PTRH1: variants seen among roughly 807,000 people sequenced by gnomAD.
The protein encoded by PTRH1 is peptidyl-tRNA hydrolase 1 homolog.
In PTRH1, 13 loss-of-function variants were observed where a neutral mutation model predicts 15.7. That is an observed-to-expected ratio of 0.83 (90% CI 0.54 to 1.31). The LOEUF (loss-of-function observed/expected upper bound fraction) is 1.31. PTRH1 is among the 40% of genes most tolerant of loss of function. The probability of loss-of-function intolerance (pLI) is 0.00; values close to 1 mark genes in which losing one functional copy is unlikely to be tolerated. For missense variants in PTRH1, 319 were observed against 296.2 expected (o/e 1.08, Z -0.56); for synonymous variants, 139 against 136.7 (o/e 1.02, Z -0.12).
intron 1 of PTRH1, among the ~76,000 whole-genome samples, chr9:127,701,941 G>C (rs965068552): frequency 2.0e-5 from 3 of 151,876 alleles, no homozygotes; most frequent in African/African-American, 7.3e-5. Flanking sequence ...GGTATGTTTG[G>C]TTGGGCATGG....
In PTRH1 at chr9:127,697,315, C is replaced by T. The variant is rs148031933; in HGVS notation, c.206-2174G>A. On this transcript the variant is annotated intron_variant, in intron 1 of 2. Transcript: ENST00000335223. ...ACTACAGAGACAGTGATCTGAGTTACGCTCCTTGGAGTAAAAAGTGGCACC... is the reference window on the plus strand; with the variant it reads ...ACTACAGAGACAGTGATCTGAGTTATGCTCCTTGGAGTAAAAAGTGGCACC... Among the ~76,000 whole-genome samples, 9 of 152,236 alleles carry T rather than the reference C, an allele frequency of 5.9e-5. No homozygotes were observed. The South Asian group carries it at 8.3e-4, about 14-fold the overall frequency.
chr9:127,708,017 G>C (rs1292739904), intron 1 of PTRH1, among the ~76,000 whole-genome samples: 4 of 152,174 alleles, frequency 2.6e-5, no homozygotes, highest in Non-Finnish European at 5.9e-5. Context: ...AGATGGGGAA[G>C]ACTGAGGCTC....
downstream of PTRH1, chr9:127,711,232 G>T (rs376783072): frequency 6.2e-7 from 1 of 1,613,716 alleles, no homozygotes; most frequent in East Asian, 2.2e-5. Flanking sequence ...TGGCCAGACT[G>T]AGGAAAGAGA....
chr9:127,715,594 C>T lies in PTRH1; in HGVS notation c.46G>A (p.Ala16Thr). Residue 16 changes from alanine to threonine, a missense_variant, in exon 1 of 5, where the codon GCC becomes ACC. Physicochemically the swap from Ala to Thr is moderately conservative, Grantham distance 58 (BLOSUM62 0). Transcript: ENST00000543175. The surrounding 1 kb of genome is among the most constrained non-coding windows in gnomAD (Gnocchi z 5.8). ...GGCTCCAAAACACATCGGCTCATGG[C>T]TCTACTCAGCCGCTGTCCGGCGCCC... ...FLGAGQRLSR[A>T]MSRCVLEPRP... 2 of 1,613,222 alleles carry T rather than the reference C, an allele frequency of 1.2e-6. No homozygotes were observed. Among genetic ancestry groups the T allele is most frequent in the East Asian group, 2.2e-5 (1 of 44,890 alleles).
chr9:127,713,969 T>G lies in PTRH1; in HGVS notation c.*131A>C, dbSNP rs1564368232. The stretch of plus-strand genomic sequence containing the variant: ...CCAGTCACAGTCACCCCCACTTTAA[T>G]CCGCAGGCAGCCTGGAACAGTCTAG... On this transcript the variant is annotated 3_prime_UTR_variant, in exon 5 of 5. Coordinates refer to ENST00000543175, the MANE Select transcript of PTRH1 (RefSeq NM_001002913.3). 2 of 1,582,966 alleles carry G rather than the reference T, an allele frequency of 1.3e-6. No homozygotes were observed. Among genetic ancestry groups the G allele is most frequent in the Non-Finnish European group, 1.7e-6 (2 of 1,152,270 alleles).
Position 127,714,679 on chromosome 9 carries a change from C to G in PTRH1, c.340G>C (p.Glu114Gln), listed in dbSNP as rs551270127. 3 of 1,613,238 alleles carry G rather than the reference C, an allele frequency of 1.9e-6. No individual in the cohort carries two copies. The African/African-American group carries it at 4.0e-5, about 22-fold the overall frequency. ...TCATCATGCACCAGGTAGACTTCCT[C>G]GGCAGTCAGCCCAAACAGCTCCGCT... ...RAAELFGLTA[E>Q]EVYLVHDELD... The change falls in exon 3 of 5, where the codon GAG (glutamate) becomes CAG (glutamine). Residue 114 changes from glutamate (E) to glutamine (Q), a missense_variant. Transcript: ENST00000543175.
intron 1 of PTRH1, among the ~76,000 whole-genome samples, chr9:127,699,440 G>T (rs757832336): frequency 3.9e-5 from 6 of 152,228 alleles, no homozygotes; most frequent in Non-Finnish European, 7.3e-5. Flanking sequence ...GGCTTCCGGG[G>T]CTAGTAAGCG....
In PTRH1 at chr9:127,699,710, T is replaced by C. The variant is rs184937563; in HGVS notation, c.206-4569A>G. On this transcript the variant is annotated intron_variant, in intron 1 of 2. Coordinates refer to the PTRH1 transcript ENST00000335223. ...GTGCTGAGCAAAATAAAATGGGCTA[T>C]CAGGGGAAAAAAAAAACAAAAAAAC... 6.0e-5 allele frequency among the ~76,000 whole-genome samples: 9 copies of C among 148,858 alleles called. No individual in the cohort carries two copies. In the East Asian group the frequency reaches 1.7e-3, roughly 29 times the overall value.
downstream of PTRH1, chr9:127,710,751 A>G: frequency 6.4e-7 from 1 of 1,563,698 alleles, no homozygotes; most frequent in Non-Finnish European, 8.7e-7. Flanking sequence ...CTGGACAAGG[A>G]CAGGTGGGCA....
At chr9:127,713,281 A>G (rs1228563701), downstream of PTRH1, 2 of 1,139,520 alleles carry the variant, frequency 1.8e-6, no homozygotes, top group Non-Finnish European at 2.5e-6. Context: ...CTGCCAGGCC[A>G]CAGCTGTGTG....
chr9:127,708,246 A>G (rs1348661175), intron 1 of PTRH1, among the ~76,000 whole-genome samples: 1 of 152,212 alleles, frequency 6.6e-6, no homozygotes, highest in Non-Finnish European at 1.5e-5. Context: ...TGGGAGGCCA[A>G]GGTGGGCAGA....
downstream of PTRH1, chr9:127,712,627 G>A: frequency 6.2e-7 from 1 of 1,609,614 alleles, no homozygotes; most frequent in East Asian, 2.2e-5. Context: ...TCGTGGAAAT[G>A]GGCACTGAGG....
chr9:127,711,547 CGCCCTGGGG>C (rs767984326), downstream of PTRH1: 2 of 1,581,786 alleles, frequency 1.3e-6, no homozygotes, highest in African/African-American at 2.7e-5. Context: ...GGCAGGAGGC[CGCCCTGGGG>C]GCCCTGCAGG....
rs147925056 is a variant in PTRH1, at chr9:127,704,593, C to T, written c.206-9452G>A. On this transcript the variant is annotated intron_variant, in intron 1 of 2. Coordinates refer to the PTRH1 transcript ENST00000335223. ...ACCACTTTAAGCCTTGAGAGATATGCGACTGTGATGTGGGTCATGGAGCCT... is the reference window on the plus strand; with the variant it reads ...ACCACTTTAAGCCTTGAGAGATATGTGACTGTGATGTGGGTCATGGAGCCT... Among the ~76,000 whole-genome samples the T allele has an allele frequency of 3.4e-4, 51 of 151,884 alleles. No homozygotes were observed. The East Asian group carries it at 5.6e-3, about 17-fold the overall frequency.
downstream of PTRH1, chr9:127,711,608 CAG>C (rs1376115642): frequency 1.2e-5 from 16 of 1,375,482 alleles, no homozygotes; most frequent in East Asian, 9.5e-5. Flanking sequence ...AGGGAGGCAG[CAG>C]AGAGAGGACT....
rs1293308484 is a variant in PTRH1 at position 127,715,185 on chromosome 9, G to A, written c.106C>T (p.Leu36=). The change falls in exon 2 of 5, where the codon CTG becomes TTG. Residue 36 remains leucine, a synonymous_variant. Coordinates refer to ENST00000543175, the MANE Select transcript of PTRH1 (RefSeq NM_001002913.3). This position sits in a 1 kb window ranked among gnomAD's most constrained non-coding sequence, Gnocchi z 5.8. ...GTGCCGGGCAGTCCGGGATTCCCCA[G>A]GCCAGCCACCTGCGGGCGGCACCAG... ...PPGKRWMVAG[L]GNPGLPGTRH... is the part of the protein sequence containing the mutation. The A allele has an allele frequency of 1.3e-6, 2 of 1,527,308 alleles. No individual in the cohort carries two copies. The highest frequency in any genetic ancestry group is 2.4e-5 in the South Asian group (2 of 83,406). 94.6% of individuals were successfully genotyped at this position (1,527,308 alleles called of 1,614,324 possible).
At chr9:127,712,212 C>G (rs199642437), downstream of PTRH1, 90 of 1,613,852 alleles carry the variant, frequency 5.6e-5, no homozygotes, top group Non-Finnish European at 6.9e-5. Context: ...CCAGAGAGAC[C>G]AGCTGAGCCT....
At chr9:127,696,835 C>T (rs1243159599) in intron 1 of PTRH1, among the ~76,000 whole-genome samples, 1 of 152,128 alleles carries the variant, frequency 6.6e-6, no homozygotes, top group African/African-American at 2.4e-5. Context: ...CATTGCACTC[C>T]AGCCTGGGGA....
chr9:127,713,756 C>A, downstream of PTRH1: 1 of 1,226,278 alleles, frequency 8.2e-7, no homozygotes, highest in Non-Finnish European at 1.2e-6. Context: ...ATCCCCCAGC[C>A]TCGGCCTCCC....
Sources: gnomAD v4.1 joint callset for allele counts (sites outside exome capture counted in the v4.1 genomes callset) on GRCh38, gnomAD v4.1.1 for gene constraint, Gnocchi (gnomAD v3.1) non-coding constraint, MANE v1.5 for transcripts, NCBI Gene and HGNC (gene_info 2026-07-23, HGNC 2026-07-21) for gene names.